Variants in SLC11A2 observed in about 807,000 individuals in gnomAD.
SLC11A2 encodes the protein solute carrier family 11 member 2.
A neutral mutation model predicts 68.0 loss-of-function variants in SLC11A2; 38 were observed. The ratio of observed to expected loss-of-function variants is 0.56; its 90% CI spans 0.43 to 0.73. The LOEUF is 0.73. Ranked by LOEUF, SLC11A2 falls within the 30% of genes least tolerant of loss-of-function variation. The pLI is 0.00. For missense variants in SLC11A2, 517 were observed against 690.5 expected, an observed-to-expected ratio of 0.75 and a Z score of 2.82; for synonymous variants, 242 against 250.6, an observed-to-expected ratio of 0.97 and a Z score of 0.32.
At chr12:50,974,746 T>G (rs1217014522), downstream of SLC11A2, among the ~76,000 whole-genome samples, 3 of 152,078 alleles carry the variant, frequency 2.0e-5, no homozygotes, top group Non-Finnish European at 1.5e-5. Context: ...AGGAAACCCA[T>G]CTCATGTGCA....
the SLC11A2 span, among the ~76,000 whole-genome samples, chr12:50,959,522 A>T: frequency 1.2e-3 from 177 of 151,938 alleles, no homozygotes; most frequent in African/African-American, 4.0e-3. Context: ...TTATCCAAAA[A>T]TTTTTTTTCA....
At chr12:51,013,289 CTT>C (rs10588295) in intron 1 of SLC11A2, among the ~76,000 whole-genome samples, 8,555 of 130,756 alleles carry the variant, frequency 0.065, 382 homozygotes, top group East Asian at 0.26. Context: ...AATTAAATTG[CTT>C]TTTTTTTTTT....
chr12:50,997,432 T>C (rs1206513127), intron 8 of SLC11A2, among the ~76,000 whole-genome samples: 1 of 152,130 alleles, frequency 6.6e-6, no homozygotes, highest in Non-Finnish European at 1.5e-5. Flanking sequence ...CTGGGTGCGG[T>C]GGCTCACGCC....
In SLC11A2 at chr12:50,996,849, G is replaced by A; in HGVS notation, c.799C>T (p.His267Tyr). 1 of 1,614,118 alleles carries A rather than the reference G, an allele frequency of 6.2e-7. No individual in the cohort carries two copies. The highest frequency in any genetic ancestry group is 8.5e-7 in the Non-Finnish European group (1 of 1,180,012). ...AAGGCAGAATGCAGGTACATGTTGT[G>A]TGGCATGATGACAGCTCCCACGATG... ...VGIVGAVIMP[H>Y]NMYLHSALVK... The change falls in exon 9 of 16, where the codon CAC becomes TAC. Residue 267 changes from histidine (H) to tyrosine (Y), a missense_variant. Coordinates refer to ENST00000262052, the MANE Select transcript of SLC11A2 (RefSeq NM_000617.3).
intron 1 of SLC11A2, among the ~76,000 whole-genome samples, chr12:51,014,950 C>G (rs1439859983): frequency 2.6e-5 from 4 of 152,020 alleles, no homozygotes; most frequent in Non-Finnish European, 4.4e-5. Context: ...CACCTGAGGT[C>G]AGGAGTTCGA....
intron 3 of SLC11A2, 38 bp from the exon 4 acceptor site, chr12:51,005,474 C>T (rs936267767): frequency 1.2e-6 from 2 of 1,610,844 alleles, no homozygotes; most frequent in Non-Finnish European, 1.7e-6. Context: ...CTGAACATCA[C>T]CATTGAACTA....
At position 51,017,597 on chromosome 12, in the gene SLC11A2, C is replaced by T. The variant is rs540512433; in HGVS notation, c.-38-6831G>A. 3.3e-5 allele frequency among the ~76,000 whole-genome samples: 5 copies of T among 152,262 alleles called. No homozygotes were observed. In the South Asian group the frequency reaches 1.0e-3, roughly 32 times the overall value. ...ACATAAAAAGAAGTTTTACCAGATA[C>T]ATGTATTATTTGCCTTATAAAAAAT... On this transcript the variant is annotated intron_variant, in intron 1 of 15. Transcript: ENST00000262052.
intron 11 of SLC11A2, among the ~76,000 whole-genome samples, chr12:50,994,239 G>T (rs1941483774): frequency 6.6e-6 from 1 of 151,924 alleles, no homozygotes; most frequent in South Asian, 2.1e-4. Flanking sequence ...TAGAGACAGG[G>T]TTTCACCATG....
intron 1 of SLC11A2, among the ~76,000 whole-genome samples, chr12:51,014,793 C>T (rs550335338): frequency 6.6e-6 from 1 of 152,184 alleles, no homozygotes; most frequent in African/African-American, 2.4e-5. Flanking sequence ...GTAGAGGTTG[C>T]AGTGAGCCGA....
At chr12:51,001,492 T>C (rs1275056824) in intron 5 of SLC11A2, among the ~76,000 whole-genome samples, 1 of 151,570 alleles carries the variant, frequency 6.6e-6, no homozygotes, top group Non-Finnish European at 1.5e-5. Flanking sequence ...CCATGACACG[T>C]GTTTATCTAT....
At chr12:50,977,878 C>A (rs1939870135), downstream of SLC11A2, among the ~76,000 whole-genome samples, 1 of 152,092 alleles carries the variant, frequency 6.6e-6, no homozygotes, top group South Asian at 2.1e-4. Flanking sequence ...ATGCAGCCAA[C>A]AGACACATGA....
At chr12:50,977,920 A>T (rs1402514991), downstream of SLC11A2, among the ~76,000 whole-genome samples, 1 of 152,198 alleles carries the variant, frequency 6.6e-6, no homozygotes. Context: ...CCATCAGAGA[A>T]ATGCAAATCA....
intron 5 of SLC11A2, among the ~76,000 whole-genome samples, chr12:51,002,270 C>A (rs1013716532): frequency 6.6e-6 from 1 of 152,062 alleles, no homozygotes; most frequent in African/African-American, 2.4e-5. Context: ...GCTGCTTGCG[C>A]CTGGGAGGTC....
chr12:50,970,456 A>G, the SLC11A2 span: 23 of 1,508,280 alleles, frequency 1.5e-5, no homozygotes, highest in East Asian at 2.5e-5. Context: ...TCTCTATTCT[A>G]TGTATAAGGA....
chr12:50,986,044 T>C lies in SLC11A2; in HGVS notation c.*2281A>G. 3 of 1,227,178 alleles carry C rather than the reference T, an allele frequency of 2.4e-6. No individual in the cohort carries two copies. The highest frequency in any genetic ancestry group is 3.1e-6 in the Non-Finnish European group (3 of 962,574). 76.0% of individuals were successfully genotyped at this position (1,227,178 alleles called of 1,614,324 possible). On this transcript the variant is annotated 3_prime_UTR_variant, in exon 16 of 16. Transcript: ENST00000262052. ...GAAACCAAGTTTACATACGGTTAAA[T>C]GGTTACTAAAAGCTCAGTTGTAACC...
intron 1 of SLC11A2, among the ~76,000 whole-genome samples, chr12:51,011,478 T>C (rs1455889523): frequency 6.6e-6 from 1 of 151,464 alleles, no homozygotes; most frequent in Admixed American, 6.6e-5. Flanking sequence ...TAGGCAAGTA[T>C]CCATTCTCTG....
In SLC11A2 at chr12:50,986,780, T is replaced by C. The variant is rs975035056; in HGVS notation, c.*1545A>G. 10 of 1,287,026 alleles carry C rather than the reference T, an allele frequency of 7.8e-6. No homozygotes were observed. Among genetic ancestry groups the C allele is most frequent in the African/African-American group, 7.6e-5 (5 of 65,762 alleles). The allele number at this position is 1,287,026 out of a possible 1,614,324, so 79.7% of individuals were successfully genotyped here. On this transcript the variant is annotated 3_prime_UTR_variant, in exon 16 of 16. Transcript: ENST00000262052. ...TACTTGAGGGGCTAAGAAAAATGTA[T>C]GGTCAGTGAAACACAGTAGTGTACC... is the stretch of plus-strand genomic sequence containing the variant.
Position 51,005,378 on chromosome 12 carries a change from C to T in SLC11A2, c.242G>A (p.Ser81Asn). The T allele has an allele frequency of 6.2e-7, 1 of 1,613,932 alleles. No homozygotes were observed. The highest frequency in any genetic ancestry group is 1.1e-5 in the South Asian group (1 of 91,072). ...WAFTGPGFLMSIAYLDPGNIE... is the reference protein window; with the variant it reads ...WAFTGPGFLMNIAYLDPGNIE... ...ATTTCCTGGATCCAGGTAGGCAATG[C>T]TCATAAGAAAACCTGGTCCGGTGAA... The change falls in exon 4 of 16, where the codon AGC (serine) becomes AAC (asparagine). Residue 81 changes from serine (S) to asparagine (N), a missense_variant. Transcript: ENST00000262052.
At chr12:51,004,486 G>A (rs1232542843) in intron 5 of SLC11A2, among the ~76,000 whole-genome samples, 2 of 152,192 alleles carry the variant, frequency 1.3e-5, no homozygotes, top group Non-Finnish European at 1.5e-5. Context: ...TGCTTAGAGA[G>A]AGCATCCTCC....
Sources: allele counts gnomAD v4.1 joint callset (sites outside exome capture counted in the v4.1 genomes callset), GRCh38; gene constraint gnomAD v4.1.1; transcripts MANE v1.5; gene names NCBI Gene and HGNC (gene_info 2026-07-23, HGNC 2026-07-21).